PDLIM3: variants seen among roughly 807,000 people sequenced by gnomAD.
PDLIM3 encodes PDZ and LIM domain 3.
A neutral mutation model predicts 37.3 loss-of-function variants in PDLIM3; 36 were observed. The observed-to-expected ratio is 0.97, with a 90% CI of 0.74 to 1.28. PDLIM3 has a LOEUF of 1.28. Ranked by LOEUF, PDLIM3 falls within the 50% of genes most tolerant of loss-of-function variation. PDLIM3 has a pLI of 0.00. For missense variants in PDLIM3, 454 were observed against 485.0 expected (o/e 0.94, Z 0.60); for synonymous variants, 174 against 182.4 (o/e 0.95, Z 0.37).
chr4:185,515,734 A>G (rs1013141234), intron 3 of PDLIM3: 9 of 152,028 alleles, frequency 5.9e-5, no homozygotes, highest in Non-Finnish European at 1.2e-4. Flanking sequence ...AATGATCTAA[A>G]ATCCTATAAT....
At chr4:185,505,224 A>G (rs1471684616) in intron 6 of PDLIM3, among the ~76,000 whole-genome samples, 1 of 152,244 alleles carries the variant, frequency 6.6e-6, no homozygotes, top group East Asian at 1.9e-4. Context: ...TTCTTTGAAG[A>G]CTGAATACTA....
chr4:185,525,022 G>C lies in PDLIM3; in HGVS notation c.243C>G (p.Asp81Glu), dbSNP rs1191199211. The C allele has an allele frequency of 1.1e-5, 18 of 1,613,914 alleles. No homozygotes were observed. Among genetic ancestry groups the C allele is most frequent in the Non-Finnish European group, 1.5e-5 (18 of 1,179,910 alleles). The change falls in exon 2 of 8, where the codon GAC becomes GAG. Residue 81 changes from aspartate (D) to glutamate (E), a missense_variant and splice_region_variant. Physicochemically the swap from Asp to Glu is conservative, Grantham distance 45 (BLOSUM62 2). Coordinates refer to ENST00000284767, the MANE Select transcript of PDLIM3 (RefSeq NM_014476.6). ...AAAHQLCLKIDRGETHLWSPQ... is the reference protein window; with the variant it reads ...AAAHQLCLKIERGETHLWSPQ... The stretch of plus-strand genomic sequence containing the variant: ...AAGCACCATTAGTTAAGAAGCACCT[G>C]TCAATTTTGAGACACAGCTGGTGAG...
At position 185,501,293 on chromosome 4, in the gene PDLIM3, T is replaced by C. The variant is rs2095686740; in HGVS notation, c.*1001A>G. ...AAGAAAACAGACCACAGATCACAAG[T>C]GAAACCAAGGATTTCAACAGTGGAT... On this transcript the variant is annotated 3_prime_UTR_variant, in exon 8 of 8. Transcript: ENST00000284767. The C allele has an allele frequency of 6.6e-6, 1 of 152,220 alleles. No individual in the cohort carries two copies. The highest frequency in any genetic ancestry group is 1.5e-5 in the Non-Finnish European group (1 of 68,082). The allele number at this position is 152,220 out of a possible 1,614,324, so 9.4% of individuals were successfully genotyped here.
chr4:185,526,835 T>C (rs2095735064), intron 1 of PDLIM3, among the ~76,000 whole-genome samples: 2 of 152,220 alleles, frequency 1.3e-5, no homozygotes, highest in South Asian at 4.1e-4. Context: ...TCTTCACTCC[T>C]TCTCAACCTT....
At chr4:185,503,840 G>A (rs1243825904) in intron 7 of PDLIM3, among the ~76,000 whole-genome samples, 1 of 152,014 alleles carries the variant, frequency 6.6e-6, no homozygotes, top group Admixed American at 6.6e-5. Flanking sequence ...CTCAGCTACT[G>A]GGGAGGCTGA....
chr4:185,508,297 AC>A lies in PDLIM3; in HGVS notation c.662+1del. ...CCCATGGTTCAAAGAGACTCATATT[AC>A]CTCATCAAAGGTGTTTCCCCTAGGG... is the stretch of plus-strand genomic sequence containing the variant. On this transcript the variant is annotated splice_donor_variant, in intron 5 of 7. Transcript: ENST00000284767. LOFTEE classifies it high-confidence loss of function. The A allele has an allele frequency of 6.2e-7, 1 of 1,613,886 alleles. No individual in the cohort carries two copies. Among genetic ancestry groups the A allele is most frequent in the Middle Eastern group, 1.7e-4 (1 of 6,060 alleles).
At chr4:185,509,375 T>C (rs1354178685) in intron 4 of PDLIM3, among the ~76,000 whole-genome samples, 2 of 152,222 alleles carry the variant, frequency 1.3e-5, no homozygotes, top group African/African-American at 4.8e-5. Context: ...AGCTATTTTA[T>C]GCACAATTTC....
intron 4 of PDLIM3, among the ~76,000 whole-genome samples, chr4:185,510,262 G>C (rs1370516522): frequency 6.6e-6 from 1 of 152,062 alleles, no homozygotes; most frequent in South Asian, 2.1e-4. Context: ...GGGAGACTTC[G>C]GCCTCCCAGT....
At chr4:185,508,686 A>G in intron 4 of PDLIM3, 124 bp from the exon 5 acceptor site, 1 of 895,680 alleles carries the variant, frequency 1.1e-6, no homozygotes. Flanking sequence ...GAGGTGAATT[A>G]CATCAAAATA....
chr4:185,523,270 C>T, intron 3 of PDLIM3, 92 bp downstream of exon 3: 1 of 847,340 alleles, frequency 1.2e-6, no homozygotes, highest in Non-Finnish European at 2.0e-6. Context: ...TGGCTTGTTC[C>T]AATTTTTCTA....
chr4:185,507,212 T>G (rs1203337044), intron 5 of PDLIM3: 1 of 153,010 alleles, frequency 6.5e-6, no homozygotes, highest in African/African-American at 2.4e-5. Context: ...AAATTTAACC[T>G]CTCAGGGTTT....
chr4:185,531,523 G>A (rs893097716), intron 1 of PDLIM3, among the ~76,000 whole-genome samples: 1 of 152,122 alleles, frequency 6.6e-6, no homozygotes. Context: ...GGGCATGAGG[G>A]CCCTGTGTCC....
intron 3 of PDLIM3, among the ~76,000 whole-genome samples, chr4:185,520,049 A>T (rs1314822088): frequency 6.6e-6 from 1 of 152,254 alleles, no homozygotes; most frequent in Non-Finnish European, 1.5e-5. Flanking sequence ...AAAAAACCCT[A>T]TAACCATAGC....
chr4:185,507,837 GAA>G (rs2095700182), intron 5 of PDLIM3, among the ~76,000 whole-genome samples: 2 of 152,128 alleles, frequency 1.3e-5, no homozygotes, highest in African/African-American at 4.8e-5. Flanking sequence ...GCTGCTATCA[GAA>G]GAGAGAAGAA....
chr4:185,512,683 A>C, intron 4 of PDLIM3: 1 of 985,410 alleles, frequency 1.0e-6, no homozygotes, highest in Non-Finnish European at 1.2e-6. Flanking sequence ...AGCCTTCTGA[A>C]GCCCCAGAGC....
chr4:185,532,744 G>C (rs1192977790), intron 1 of PDLIM3, among the ~76,000 whole-genome samples: 4 of 152,220 alleles, frequency 2.6e-5, no homozygotes, highest in Non-Finnish European at 4.4e-5. Context: ...GCCGCTGAAG[G>C]ATTTTTAAGA....
chr4:185,517,347 C>CTTTTTTT (rs11419562), intron 3 of PDLIM3: 4 of 48,812 alleles, frequency 8.2e-5, no homozygotes, highest in Non-Finnish European at 1.2e-4. Context: ...TGGAGCTTAG[C>CTTTTTTT]TTTTTTTTTT....
At chr4:185,523,256 T>C in intron 3 of PDLIM3, 106 bp downstream of exon 3, 1 of 731,534 alleles carries the variant, frequency 1.4e-6, no homozygotes. Context: ...AACAGCTTCA[T>C]AGGTGGCTTG....
chr4:185,518,523 C>A (rs1412706372), intron 3 of PDLIM3, among the ~76,000 whole-genome samples: 2 of 151,760 alleles, frequency 1.3e-5, no homozygotes, highest in Admixed American at 1.3e-4. Flanking sequence ...AAATGGTGGG[C>A]ATATAAGAGA....
Sources: allele counts gnomAD v4.1 joint callset (sites outside exome capture counted in the v4.1 genomes callset), GRCh38; gene constraint gnomAD v4.1.1; transcripts MANE v1.5; gene names NCBI Gene and HGNC (gene_info 2026-07-23, HGNC 2026-07-21).